Variants in CAST observed in about 807,000 individuals in gnomAD.
CAST encodes calpastatin, also known as MIR583 host.
A neutral mutation model predicts 119.6 loss-of-function variants in CAST; 76 were observed. That is an observed-to-expected ratio of 0.64 (90% CI 0.53 to 0.77). The LOEUF (loss-of-function observed/expected upper bound fraction) is 0.77, where lower values mean the gene tolerates loss of function less well. Among genes scored for constraint, CAST ranks in the 30% least tolerant of loss-of-function variants. CAST has a pLI of 0.00. For missense variants in CAST, 953 were observed against 946.5 expected (o/e 1.01, Z -0.09); for synonymous variants, 319 against 331.6 (o/e 0.96, Z 0.41).
At chr5:96,742,479 G>A (rs1581221331) in intron 15 of CAST, 176 bp from the exon 16 acceptor site, 3 of 580,542 alleles carry the variant, frequency 5.2e-6, no homozygotes, top group Non-Finnish European at 9.3e-6. Flanking sequence ...CCACTCATTG[G>A]TAAGTTCTTT....
the CAST span, among the ~76,000 whole-genome samples, chr5:96,290,966 C>T: frequency 6.6e-6 from 1 of 152,184 alleles, no homozygotes; most frequent in Non-Finnish European, 1.5e-5. Flanking sequence ...TCCACCTTGC[C>T]TTCTCTTGAA....
At chr5:96,102,728 T>TTTC in the CAST span, among the ~76,000 whole-genome samples, 1 of 151,610 alleles carries the variant, frequency 6.6e-6, no homozygotes, top group Non-Finnish European at 1.5e-5. Flanking sequence ...TTGGGGTTTT[T>TTTC]TTTTTTTTTG....
At chr5:96,428,921 A>G in the CAST span, among the ~76,000 whole-genome samples, 1 of 152,118 alleles carries the variant, frequency 6.6e-6, no homozygotes, top group African/African-American at 2.4e-5. Flanking sequence ...ATGCTCTTAG[A>G]CTGAATTTGT....
the CAST span, among the ~76,000 whole-genome samples, chr5:96,312,526 AG>A: frequency 6.6e-6 from 1 of 152,126 alleles, no homozygotes; most frequent in African/African-American, 2.4e-5. Flanking sequence ...TGTCAAAACA[AG>A]GAAGATAAGA....
At chr5:96,132,893 A>G in the CAST span, among the ~76,000 whole-genome samples, 1 of 152,198 alleles carries the variant, frequency 6.6e-6, no homozygotes, top group African/African-American at 2.4e-5. Context: ...AGTTCTCTAG[A>G]CATATGAATA....
chr5:96,337,273 C>T, the CAST span, among the ~76,000 whole-genome samples: 1 of 152,038 alleles, frequency 6.6e-6, no homozygotes, highest in Non-Finnish European at 1.5e-5. Context: ...CCCCTTTTAG[C>T]CTGGTTTCCC....
chr5:96,132,974 G>T, the CAST span, among the ~76,000 whole-genome samples: 1 of 152,128 alleles, frequency 6.6e-6, no homozygotes, highest in African/African-American at 2.4e-5. Flanking sequence ...GTGTATTTCA[G>T]ATTAGAGCTT....
the CAST span, among the ~76,000 whole-genome samples, chr5:96,294,998 A>C: frequency 1.3e-5 from 2 of 152,226 alleles, no homozygotes; most frequent in Non-Finnish European, 2.9e-5. Context: ...GTTGATAGGG[A>C]AACAGTCACC....
the CAST span, among the ~76,000 whole-genome samples, chr5:95,994,708 GA>G: frequency 6.6e-6 from 1 of 152,030 alleles, no homozygotes; most frequent in East Asian, 1.9e-4. Flanking sequence ...TAATAAAGGA[GA>G]AAAAGTTAAT....
At chr5:96,650,488 A>C (rs980082568) in intron 1 of CAST, among the ~76,000 whole-genome samples, 1 of 152,180 alleles carries the variant, frequency 6.6e-6, no homozygotes, top group African/African-American at 2.4e-5. Context: ...CCTGATGACT[A>C]TCCTACTTGT....
the CAST span, among the ~76,000 whole-genome samples, chr5:96,308,190 A>G: frequency 6.6e-6 from 1 of 151,142 alleles, no homozygotes; most frequent in Non-Finnish European, 1.5e-5. Context: ...TTCTCACTTT[A>G]TTTCATTGAG....
the CAST span, among the ~76,000 whole-genome samples, chr5:96,365,421 G>A: frequency 6.6e-6 from 1 of 152,112 alleles, no homozygotes; most frequent in Non-Finnish European, 1.5e-5. Flanking sequence ...GTTGACAGTG[G>A]CATGTTAAAG....
At chr5:96,268,928 G>T in the CAST span, among the ~76,000 whole-genome samples, 1 of 152,136 alleles carries the variant, frequency 6.6e-6, no homozygotes, top group African/African-American at 2.4e-5. Flanking sequence ...TGCTGTTCTC[G>T]TGAGAGTGAG....
intron 1 of CAST, among the ~76,000 whole-genome samples, chr5:96,534,724 A>AAG (rs1561408779): frequency 0.16 from 3,187 of 19,360 alleles, 454 homozygotes; most frequent in Non-Finnish European, 0.23. Flanking sequence ...GGAGAGAGAG[A>AAG]GAGAGAGAGA....
At chr5:95,981,800 G>A in the CAST span, among the ~76,000 whole-genome samples, 7 of 152,150 alleles carry the variant, frequency 4.6e-5, no homozygotes, top group Non-Finnish European at 8.8e-5. Flanking sequence ...ACTTGAACCC[G>A]GGAGGTGGAG....
At chr5:96,152,866 A>ACCACTTAGT in the CAST span, among the ~76,000 whole-genome samples, 1 of 152,342 alleles carries the variant, frequency 6.6e-6, no homozygotes, top group South Asian at 2.1e-4. Context: ...TAGAACCTGC[A>ACCACTTAGT]CCACTTAGTG....
At chr5:96,217,043 T>G in the CAST span, among the ~76,000 whole-genome samples, 1 of 151,848 alleles carries the variant, frequency 6.6e-6, no homozygotes, top group Non-Finnish European at 1.5e-5. Flanking sequence ...TATTTTTTTA[T>G]TTTTAGTTTT....
At chr5:96,432,305 C>T in the CAST span, 14 of 625,158 alleles carry the variant, frequency 2.2e-5, no homozygotes, top group East Asian at 1.1e-4. Flanking sequence ...TCCCAACCTC[C>T]TGGTCGCGAG....
chr5:96,097,059 A>G, the CAST span, among the ~76,000 whole-genome samples: 1 of 152,192 alleles, frequency 6.6e-6, no homozygotes, highest in East Asian at 1.9e-4. Context: ...ACCCAGGAAT[A>G]TGTCTTAAAA....
Sources: gnomAD v4.1 joint callset for allele counts (sites outside exome capture counted in the v4.1 genomes callset) on GRCh38, gnomAD v4.1.1 for gene constraint, MANE v1.5 for transcripts, NCBI Gene and HGNC (gene_info 2026-07-23, HGNC 2026-07-21) for gene names.